Variants in MTNR1A observed in about 807,000 individuals in gnomAD.
MTNR1A encodes the protein melatonin receptor type 1A.
Under a neutral mutation model 5.5 loss-of-function variants are expected in MTNR1A, and 7 were observed. That is an observed-to-expected ratio of 1.28 (90% CI 0.73 to 2.40). The LOEUF is 2.40. Ranked by LOEUF, MTNR1A falls within the 30% of genes most tolerant of loss-of-function variation. MTNR1A has a pLI of 0.00. For synonymous variants in MTNR1A, 196 were observed against 202.7 expected, an observed-to-expected ratio of 0.97 and a Z score of 0.28; for missense variants, 441 against 464.4, an observed-to-expected ratio of 0.95 and a Z score of 0.46.
At chr4:186,552,239 TA>T (rs1227949502) in intron 1 of MTNR1A, among the ~76,000 whole-genome samples, 3 of 152,182 alleles carry the variant, frequency 2.0e-5, no homozygotes, top group Non-Finnish European at 4.4e-5. Context: ...GCTATTTCTT[TA>T]AATGTGTCAA....
intron 1 of MTNR1A, among the ~76,000 whole-genome samples, chr4:186,544,098 G>A (rs544766961): frequency 1.3e-4 from 20 of 152,124 alleles, no homozygotes; most frequent in African/African-American, 2.2e-4. Flanking sequence ...AACCTCTGCC[G>A]TCCCCCACCC....
intron 1 of MTNR1A, among the ~76,000 whole-genome samples, chr4:186,540,860 C>CCAGGTGCTGTCTGACTGAAGGAT (rs1277516567): frequency 3.9e-5 from 4 of 103,480 alleles, no homozygotes; most frequent in African/African-American, 7.5e-5. Flanking sequence ...GACTGAAGGA[C>CCAGGTGCTGTCTGACTGAAGGAT]CAGGTGCTGT....
chr4:186,540,475 A>T (rs2165667), intron 1 of MTNR1A, among the ~76,000 whole-genome samples: 97,250 of 152,188 alleles, frequency 0.64, 32,130 homozygotes, highest in Non-Finnish European at 0.73. Flanking sequence ...GATGACTCAT[A>T]ACACAGACCC....
chr4:186,550,666 C>G (rs1737250529), intron 1 of MTNR1A, among the ~76,000 whole-genome samples: 1 of 152,028 alleles, frequency 6.6e-6, no homozygotes, highest in Non-Finnish European at 1.5e-5. Context: ...CCAAAATTGC[C>G]AAGAGAAAAA....
intron 1 of MTNR1A, among the ~76,000 whole-genome samples, chr4:186,547,865 A>G (rs1024695756): frequency 5.3e-5 from 8 of 152,162 alleles, no homozygotes; most frequent in Non-Finnish European, 1.0e-4. Context: ...GTCAGTGTTA[A>G]AGGTGTAACA....
intron 1 of MTNR1A, among the ~76,000 whole-genome samples, chr4:186,552,426 TA>T (rs1160301996): frequency 6.6e-6 from 1 of 152,232 alleles, no homozygotes; most frequent in Admixed American, 6.5e-5. Flanking sequence ...GAATTTTGAA[TA>T]GGCAAGATAG....
chr4:186,539,495 C>A (rs560968117), intron 1 of MTNR1A, among the ~76,000 whole-genome samples: 1 of 152,242 alleles, frequency 6.6e-6, no homozygotes, highest in East Asian at 1.9e-4. Context: ...GACACTTAAT[C>A]GCCAATGTGA....
chr4:186,534,876 T>C (rs555151190), intron 1 of MTNR1A, among the ~76,000 whole-genome samples: 12 of 152,344 alleles, frequency 7.9e-5, no homozygotes, highest in Admixed American at 1.3e-4. Context: ...CATCTGTTGT[T>C]CTGGAGCCTT....
chr4:186,552,634 GC>G, intron 1 of MTNR1A, among the ~76,000 whole-genome samples: 1 of 152,088 alleles, frequency 6.6e-6, no homozygotes, highest in East Asian at 1.9e-4. Context: ...TCTCATATGC[GC>G]CACTTCACTA....
At chr4:186,534,989 T>C (rs1490718403) in intron 1 of MTNR1A, among the ~76,000 whole-genome samples, 1 of 152,192 alleles carries the variant, frequency 6.6e-6, no homozygotes, top group Non-Finnish European at 1.5e-5. Context: ...TCAGGGGGCC[T>C]CTAGCTTCTG....
chr4:186,534,846 A>C (rs183694704), intron 1 of MTNR1A, among the ~76,000 whole-genome samples: 2 of 152,282 alleles, frequency 1.3e-5, no homozygotes. Flanking sequence ...AAAAGTCCTG[A>C]GATCAGAATG....
Position 186,555,174 on chromosome 4 carries a change from G to A in MTNR1A, c.184+8C>T, listed in dbSNP as rs989767386. The A allele has an allele frequency of 1.3e-6, 2 of 1,588,128 alleles. No individual in the cohort carries two copies. The highest frequency in any genetic ancestry group is 2.0e-4 in the Middle Eastern group (1 of 4,880). On this transcript the variant is annotated splice_region_variant and intron_variant, in intron 1 of 1. Coordinates refer to ENST00000307161, the MANE Select transcript of MTNR1A (RefSeq NM_005958.4). The surrounding 1 kb of genome is among the most constrained non-coding windows in gnomAD (Gnocchi z 4.1). ...GCGCTGGCCCAGGGGAGGCGGCGCG[G>A]GCCCTACCTGCGTTCCTGAGCTTCT... is the stretch of plus-strand genomic sequence containing the variant.
At chr4:186,551,287 T>C (rs2126306576) in intron 1 of MTNR1A, among the ~76,000 whole-genome samples, 1 of 152,344 alleles carries the variant, frequency 6.6e-6, no homozygotes, top group Admixed American at 6.5e-5. Flanking sequence ...ATAATGGTTG[T>C]TACAAAAGGG....
chr4:186,534,348 T>A lies in MTNR1A; in HGVS notation c.394A>T (p.Ser132Cys). 6.2e-7 allele frequency: 1 copy of A among 1,614,160 alleles called. No individual in the cohort carries two copies. The highest frequency in any genetic ancestry group is 8.5e-7 in the Non-Finnish European group (1 of 1,180,028). The stretch of plus-strand genomic sequence containing the variant: ...CTGTACAGTTTGTCGTACTTGAGAC[T>A]GTGGCAGATGTAGCAGTAGCGGTTG... ...AINRYCYICHSLKYDKLYSSK... is the reference protein window; with the variant it reads ...AINRYCYICHCLKYDKLYSSK... Residue 132 changes from serine to cysteine, a missense_variant, in exon 2 of 2, where the codon AGT (serine) becomes TGT (cysteine). By Grantham distance (112) the Ser-to-Cys change is moderately radical. Coordinates refer to ENST00000307161, the MANE Select transcript of MTNR1A (RefSeq NM_005958.4).
chr4:186,549,368 C>T (rs1018078703), intron 1 of MTNR1A, among the ~76,000 whole-genome samples: 6 of 152,176 alleles, frequency 3.9e-5, no homozygotes, highest in African/African-American at 1.2e-4. Context: ...GGCGTTTCTT[C>T]GAAAGACCTG....
intron 1 of MTNR1A, among the ~76,000 whole-genome samples, chr4:186,550,286 C>T (rs987295149): frequency 7.2e-5 from 11 of 152,170 alleles, no homozygotes; most frequent in Admixed American, 1.3e-4. Flanking sequence ...TTCATAAAAA[C>T]GCTTCTTTAA....
intron 1 of MTNR1A, among the ~76,000 whole-genome samples, chr4:186,549,965 T>TA (rs1737234368): frequency 6.6e-6 from 1 of 152,182 alleles, no homozygotes; most frequent in South Asian, 2.1e-4. Context: ...TTAACTTAAA[T>TA]AATATTCAGC....
rs755528087 is a variant in MTNR1A, at chr4:186,534,151, G to A, written c.591C>T (p.Leu197=). Residue 197 remains leucine, a synonymous_variant, in exon 2 of 2, where the codon CTC becomes CTT. Transcript: ENST00000307161. ...YTIAVVVFHF[L]VPMIIVIFCY... is the part of the protein sequence containing the mutation. ...AGAAGATGACTATGATCATGGGGAC[G>A]AGGAAGTGGAAAACCACCACGGCGA... 27 of 1,613,460 alleles carry A rather than the reference G, an allele frequency of 1.7e-5. No homozygotes were observed. Among genetic ancestry groups the A allele is most frequent in the South Asian group, 5.5e-5 (5 of 91,082 alleles).
At position 186,533,908 on chromosome 4, in the gene MTNR1A, CACAA is replaced by C; in HGVS notation, c.830_833del (p.Phe277TrpfsTer21). 1 of 1,614,092 alleles carries C rather than the reference CACAA, an allele frequency of 6.2e-7. No homozygotes were observed. Among genetic ancestry groups the C allele is most frequent in the South Asian group, 1.1e-5 (1 of 91,090 alleles). ...TGAAATACGCCATGTAGTAACTGGC[CACAA>C]ACAGCCACTCTGGGATCCTAGGCAC... is the stretch of plus-strand genomic sequence containing the variant. On this transcript the variant is annotated frameshift_variant, in exon 2 of 2. Transcript: ENST00000307161. LOFTEE classifies it high-confidence loss of function.
Sources: allele counts gnomAD v4.1 joint callset (sites outside exome capture counted in the v4.1 genomes callset), GRCh38; gene constraint gnomAD v4.1.1; non-coding constraint Gnocchi (gnomAD v3.1); transcripts MANE v1.5; gene names NCBI Gene and HGNC (gene_info 2026-07-23, HGNC 2026-07-21).